CNTNAP2: variants seen among roughly 807,000 people sequenced by gnomAD.
The protein encoded by CNTNAP2 is contactin-associated protein-like 2.
Under a neutral mutation model 155.2 loss-of-function variants are expected in CNTNAP2, and 98 were observed. The observed-to-expected ratio is 0.63, with a 90% CI of 0.54 to 0.75. CNTNAP2 has a LOEUF of 0.75. Among genes scored for constraint, CNTNAP2 ranks in the 30% least tolerant of loss-of-function variants. CNTNAP2 has a pLI of 0.00. For synonymous variants in CNTNAP2, 651 were observed against 631.2 expected, an observed-to-expected ratio of 1.03 and a Z score of -0.47; for missense variants, 1,727 against 1,688.1, an observed-to-expected ratio of 1.02 and a Z score of -0.40.
chr7:146,498,658 A>G (rs1207280879), intron 1 of CNTNAP2, among the ~76,000 whole-genome samples: 2 of 146,606 alleles, frequency 1.4e-5, no homozygotes, highest in African/African-American at 2.6e-5. Context: ...ATAATAAAAC[A>G]AAGTTGTATA....
At chr7:148,058,194 T>A (rs576942452) in intron 15 of CNTNAP2, among the ~76,000 whole-genome samples, 3 of 152,044 alleles carry the variant, frequency 2.0e-5, no homozygotes, top group Admixed American at 6.6e-5. Flanking sequence ...ATTGTGCAGG[T>A]CAGGTGAAGC....
At chr7:148,361,225 C>A (rs1029988740) in intron 21 of CNTNAP2, among the ~76,000 whole-genome samples, 20 of 152,266 alleles carry the variant, frequency 1.3e-4, no homozygotes, top group African/African-American at 4.6e-4. Context: ...CTAAGTCTCT[C>A]ATTTAAAAAG....
intron 13 of CNTNAP2, among the ~76,000 whole-genome samples, chr7:147,665,585 G>A (rs929358820): frequency 1.3e-5 from 2 of 152,128 alleles, no homozygotes; most frequent in African/African-American, 4.8e-5. Context: ...CATCACCTTA[G>A]TACCCATTAG....
chr7:146,748,231 T>C (rs1217510086), intron 1 of CNTNAP2, among the ~76,000 whole-genome samples: 2 of 149,014 alleles, frequency 1.3e-5, no homozygotes, highest in Admixed American at 6.7e-5. Context: ...CTGCAAGCTC[T>C]GCTTCCCGGG....
At chr7:147,203,432 A>G (rs1802959970) in intron 8 of CNTNAP2, among the ~76,000 whole-genome samples, 1 of 151,948 alleles carries the variant, frequency 6.6e-6, no homozygotes, top group South Asian at 2.1e-4. Flanking sequence ...GTGTTTCATC[A>G]TGTTGGCCAG....
chr7:148,361,641 A>G (rs964862150), intron 21 of CNTNAP2, among the ~76,000 whole-genome samples: 4 of 152,130 alleles, frequency 2.6e-5, no homozygotes, highest in African/African-American at 9.7e-5. Flanking sequence ...TATAAGGACA[A>G]CAGTCACTGG....
chr7:148,020,482 C>T (rs1293428376), intron 15 of CNTNAP2, among the ~76,000 whole-genome samples: 1 of 152,128 alleles, frequency 6.6e-6, no homozygotes, highest in African/African-American at 2.4e-5. Flanking sequence ...AATGACTGAA[C>T]TTTTACTATC....
At chr7:148,243,887 C>A (rs1435519330) in intron 20 of CNTNAP2, among the ~76,000 whole-genome samples, 1 of 152,146 alleles carries the variant, frequency 6.6e-6, no homozygotes, top group Non-Finnish European at 1.5e-5. Flanking sequence ...GCCTACAACC[C>A]ACAAGCAGTC....
At chr7:146,902,798 C>T (rs1323508341) in intron 3 of CNTNAP2, among the ~76,000 whole-genome samples, 2 of 152,180 alleles carry the variant, frequency 1.3e-5, no homozygotes, top group Non-Finnish European at 2.9e-5. Context: ...CATGTGGCTG[C>T]CATTGCAGCC....
At chr7:146,556,204 A>C (rs1319014478) in intron 1 of CNTNAP2, among the ~76,000 whole-genome samples, 1 of 152,054 alleles carries the variant, frequency 6.6e-6, no homozygotes, top group Non-Finnish European at 1.5e-5. Context: ...TTTGAAAAAT[A>C]CTAGTGTAAC....
At chr7:147,961,047 C>T (rs2708279) in intron 14 of CNTNAP2, among the ~76,000 whole-genome samples, 122,738 of 151,872 alleles carry the variant, frequency 0.81, 50,637 homozygotes, top group South Asian at 0.92. Context: ...TTTTGTAAAA[C>T]GCCTTCTGAA....
intron 9 of CNTNAP2, among the ~76,000 whole-genome samples, chr7:147,353,030 T>A (rs888693496): frequency 6.6e-6 from 1 of 151,506 alleles, no homozygotes; most frequent in African/African-American, 2.4e-5. Context: ...TAGTCACTCA[T>A]ATAAAGTGAG....
At chr7:146,593,136 C>T (rs1016959081) in intron 1 of CNTNAP2, among the ~76,000 whole-genome samples, 1 of 151,164 alleles carries the variant, frequency 6.6e-6, no homozygotes. Context: ...GTATAGTTAC[C>T]CTGTTTACTA....
intron 3 of CNTNAP2, among the ~76,000 whole-genome samples, chr7:146,938,244 C>T (rs1796966087): frequency 6.6e-6 from 1 of 151,982 alleles, no homozygotes; most frequent in Admixed American, 6.6e-5. Flanking sequence ...ATCTCCAAAG[C>T]TTAACTTTCC....
At chr7:147,815,121 C>T (rs1280585754) in intron 13 of CNTNAP2, among the ~76,000 whole-genome samples, 2 of 152,090 alleles carry the variant, frequency 1.3e-5, no homozygotes, top group African/African-American at 4.8e-5. Context: ...GAGTATGATG[C>T]CCTTTTATGA....
chr7:147,862,606 A>G (rs1185412761), intron 13 of CNTNAP2, among the ~76,000 whole-genome samples: 2 of 149,042 alleles, frequency 1.3e-5, no homozygotes, highest in Non-Finnish European at 3.0e-5. Flanking sequence ...AGCTTTGGCC[A>G]GTATGTCTGA....
intron 15 of CNTNAP2, among the ~76,000 whole-genome samples, chr7:148,083,340 T>TG (rs1299499064): frequency 1.3e-5 from 2 of 151,988 alleles, no homozygotes; most frequent in Middle Eastern, 3.4e-3. Context: ...GGTTGCAGAG[T>TG]GGGGGGCAGT....
intron 18 of CNTNAP2, among the ~76,000 whole-genome samples, chr7:148,175,003 T>C (rs1794907563): frequency 6.6e-6 from 1 of 152,068 alleles, no homozygotes; most frequent in Non-Finnish European, 1.5e-5. Context: ...TGAGAACATG[T>C]GGTGTTTGGT....
rs141892421 is a variant in CNTNAP2, at chr7:147,041,480, C to T, written c.403-2427C>T. Among the ~76,000 whole-genome samples the T allele has an allele frequency of 3.7e-3, 567 of 152,254 alleles. 9 individuals are homozygous for T. Among genetic ancestry groups the T allele is most frequent in the Middle Eastern group, 0.014 (4 of 294 alleles). On this transcript the variant is annotated intron_variant, in intron 3 of 23. Transcript: ENST00000361727. ...CCTAGGTCTGAAATCCTCCTTTATG[C>T]CAACCTATTCTTCAATATATCCTAG...
Sources: allele counts gnomAD v4.1 joint callset (sites outside exome capture counted in the v4.1 genomes callset), GRCh38; gene constraint gnomAD v4.1.1; transcripts MANE v1.5; gene names NCBI Gene and HGNC (gene_info 2026-07-23, HGNC 2026-07-21).